Variants in TRPV6 observed in about 807,000 individuals in gnomAD.
TRPV6 encodes the protein Alu-binding protein with zinc finger domain.
In TRPV6, 39 loss-of-function variants were observed where a neutral mutation model predicts 79.0. The observed-to-expected ratio is 0.49, with a 90% CI of 0.38 to 0.64. TRPV6 has a LOEUF of 0.64. Ranked by LOEUF, TRPV6 falls within the 30% of genes least tolerant of loss-of-function variation. The pLI is 0.00. For missense variants in TRPV6, 813 were observed against 1,011.1 expected (o/e 0.80, Z 2.66); for synonymous variants, 373 against 391.9 (o/e 0.95, Z 0.57).
rs982383898 is a variant in TRPV6 at position 142,875,693 on chromosome 7, G to A, written c.1030-13C>T. 16 of 1,608,166 alleles carry A rather than the reference G, an allele frequency of 9.9e-6. No individual in the cohort carries two copies. Among genetic ancestry groups the A allele is most frequent in the African/African-American group, 1.3e-5 (1 of 74,728 alleles). On this transcript the variant is annotated splice_polypyrimidine_tract_variant and intron_variant, in intron 7 of 14. Transcript: ENST00000359396. ...GGATCTGGCGAGCCTGCAACAGAAA[G>A]AGAACAGGTGGCTCAGAGACCCTGA...
Position 142,875,493 on chromosome 7 carries a change from GT to G in TRPV6, c.1216del (p.Thr406ProfsTer13). 1.3e-6 allele frequency: 2 copies of G among 1,595,434 alleles called. No homozygotes were observed. Among genetic ancestry groups the G allele is most frequent in the Non-Finnish European group, 1.7e-6 (2 of 1,172,382 alleles). On this transcript the variant is annotated frameshift_variant, in exon 8 of 15. Coordinates refer to ENST00000359396, the MANE Select transcript of TRPV6 (RefSeq NM_018646.6). LOFTEE classifies it high-confidence loss of function. Reference sequence around the variant, plus strand: ...CTGAAGTAGCTTCTGCTGTAAGAGGGTGTTGTCCCGGGGGCTCGTGCGGTTA... The same window carrying G: ...CTGAAGTAGCTTCTGCTGTAAGAGGGGTTGTCCCGGGGGCTCGTGCGGTTA...
Position 142,877,229 on chromosome 7 carries a change from G to A in TRPV6, c.520C>T (p.Arg174Ter), listed in dbSNP as rs1309922604. 12 of 1,614,218 alleles carry A rather than the reference G, an allele frequency of 7.4e-6. No homozygotes were observed. The highest frequency in any genetic ancestry group is 3.3e-5 in the South Asian group (3 of 91,084). Reference sequence around the variant, plus strand: ...CTGGCCCTGCGGGCAAGCAGGGCTCGCACCAGGTTCATGTTCTGGTTCACA... The same window carrying A: ...CTGGCCCTGCGGGCAAGCAGGGCTCACACCAGGTTCATGTTCTGGTTCACA... Residue 174 changes from arginine to a stop codon, truncating the protein, a stop_gained, in exon 4 of 15, where the codon CGA becomes TGA. Transcript: ENST00000359396. LOFTEE classifies it high-confidence loss of function.
At chr7:142,885,075 AG>A in intron 1 of TRPV6, 1 of 210,678 alleles carries the variant, frequency 4.7e-6, no homozygotes, top group East Asian at 1.1e-4. Context: ...TCTTGGGTGG[AG>A]GGGCTGTGAT....
In TRPV6 at chr7:142,885,578, C is replaced by T. The variant is rs1795289489; in HGVS notation, c.59G>A (p.Arg20Lys). 2 of 1,521,718 alleles carry T rather than the reference C, an allele frequency of 1.3e-6. No homozygotes were observed. Among genetic ancestry groups the T allele is most frequent in the African/African-American group, 2.8e-5 (2 of 72,024 alleles). The allele number at this position is 1,521,718 out of a possible 1,614,324, so 94.3% of individuals were successfully genotyped here. A position where few individuals can be genotyped will look rare whatever the true frequency, so the allele number is the denominator to read the frequency against. Residue 20 changes from arginine to lysine, a missense_variant, in exon 1 of 15, where the codon AGG becomes AAG. Arg to Lys is a conservative substitution (Grantham distance 26, BLOSUM62 2). Transcript: ENST00000359396. The stretch of plus-strand genomic sequence containing the variant: ...AGGCCAGACCCTGACGGGACTCAGC[C>T]TTGGGGCCACATCAGCCCCCCCAAG...
chr7:142,875,820 T>C lies in TRPV6; in HGVS notation c.967A>G (p.Ile323Val). ...GACTGCTCATCCCCTGAGGAGTCGA[T>C]CTCTGTGAGGTCATAGAGAGTCGAG... The change falls in exon 7 of 15, where the codon ATC becomes GTC. Residue 323 changes from isoleucine (I) to valine (V), a missense_variant. Transcript: ENST00000359396. The C allele has an allele frequency of 6.2e-7, 1 of 1,612,278 alleles. No individual in the cohort carries two copies. The highest frequency in any genetic ancestry group is 8.5e-7 in the Non-Finnish European group (1 of 1,179,038).
chr7:142,883,523 AT>A (rs1192743113), intron 1 of TRPV6: 7 of 152,158 alleles, frequency 4.6e-5, no homozygotes, highest in African/African-American at 1.7e-4. Flanking sequence ...CCCACCTTCC[AT>A]TATTGTTACC....
rs764407610 is a variant in TRPV6, at chr7:142,873,591, C to T, written c.1765G>A (p.Val589Met). 72 of 1,614,026 alleles carry T rather than the reference C, an allele frequency of 4.5e-5. No homozygotes were observed. The highest frequency in any genetic ancestry group is 3.3e-4 in the Middle Eastern group (2 of 6,084). Reference sequence around the variant, plus strand: ...ATGCTGTACATGAAGGGCAGGTCCACGTTGTAGTTGGCTGGGCCATCGATG... The same window carrying T: ...ATGCTGTACATGAAGGGCAGGTCCATGTTGTAGTTGGCTGGGCCATCGATG... Residue 589 changes from valine (V) to methionine (M), a missense_variant, in exon 13 of 15, where the codon GTG (valine) becomes ATG (methionine). Coordinates refer to ENST00000359396, the MANE Select transcript of TRPV6 (RefSeq NM_018646.6). The surrounding 1 kb of genome is among the most constrained non-coding windows in gnomAD (Gnocchi z 4.8).
chr7:142,884,051 G>A (rs1285207079), intron 1 of TRPV6: 1 of 152,370 alleles, frequency 6.6e-6, no homozygotes, highest in African/African-American at 2.4e-5. Context: ...CAATCCCCCA[G>A]GCCTTTTTGC....
Position 142,871,623 on chromosome 7 carries a change from A to T in TRPV6, c.*84T>A. ...TCTCCCCTGGGGCCTGGGAGATGAG[A>T]CCTCTGGGTGTTTGGTTTTTGTTTT... On this transcript the variant is annotated 3_prime_UTR_variant, in exon 15 of 15. Transcript: ENST00000359396. 6.7e-7 allele frequency: 1 copy of T among 1,491,592 alleles called. No homozygotes were observed. Among genetic ancestry groups the T allele is most frequent in the Non-Finnish European group, 9.0e-7 (1 of 1,107,786 alleles). 92.4% of individuals were successfully genotyped at this position (1,491,592 alleles called of 1,614,324 possible). A position where few individuals can be genotyped will look rare whatever the true frequency, so the allele number is the denominator to read the frequency against.
chr7:142,884,615 G>A (rs983016445), intron 1 of TRPV6: 2 of 152,268 alleles, frequency 1.3e-5, no homozygotes, highest in African/African-American at 2.4e-5. Context: ...CACGGGTTTA[G>A]GAAGTTTTCA....
At chr7:142,879,663 G>C (rs923014893) in intron 1 of TRPV6, 1 of 152,252 alleles carries the variant, frequency 6.6e-6, no homozygotes, top group Non-Finnish European at 1.5e-5. Context: ...GCTGCCACCA[G>C]GTCCTGTCAG....
At chr7:142,875,959 G>A (rs1586188883) in intron 6 of TRPV6, 55 bp from the exon 7 acceptor site, 1 of 1,521,852 alleles carries the variant, frequency 6.6e-7, no homozygotes, top group East Asian at 2.3e-5. Context: ...CGGTCACAGA[G>A]TGTGGATAGG....
At chr7:142,872,232 C>A in intron 14 of TRPV6, 140 bp downstream of exon 14, 1 of 1,012,834 alleles carries the variant, frequency 9.9e-7, no homozygotes, top group South Asian at 1.6e-5. Context: ...ACCCCTTCCT[C>A]ACCAGCTCAA....
intron 6 of TRPV6, 80 bp downstream of exon 6, chr7:142,876,328 C>T: frequency 1.3e-6 from 2 of 1,523,556 alleles, no homozygotes; most frequent in Non-Finnish European, 1.8e-6. Context: ...GGATCGCGTT[C>T]ACCTCTGTTT....
rs762397125 is a variant in TRPV6, at chr7:142,871,763, G to A, written c.2242C>T (p.Arg748Cys). ...TCCAGACCCCTGTTGATTATCCCAC[G>A]CAGGTCTCTCCTCAGGGTCCCTTGC... Residue 748 changes from arginine to cysteine, a missense_variant, in exon 15 of 15, where the codon CGT becomes TGT. Arg to Cys is a radical substitution (Grantham distance 180). Transcript: ENST00000359396. 2.2e-5 allele frequency: 35 copies of A among 1,614,010 alleles called. No homozygotes were observed. Among genetic ancestry groups the A allele is most frequent in the South Asian group, 8.8e-5 (8 of 91,074 alleles).
At chr7:142,876,652 G>A (rs1368998724) in intron 5 of TRPV6, 69 bp from the exon 6 acceptor site, 2 of 1,612,140 alleles carry the variant, frequency 1.2e-6, no homozygotes, top group African/African-American at 1.3e-5. Context: ...CCCACCCTGA[G>A]GTCTTCCTGA....
rs780277578 is a variant in TRPV6, at chr7:142,875,019, G to A, written c.1330-39C>T. 45 of 1,614,004 alleles carry A rather than the reference G, an allele frequency of 2.8e-5. No homozygotes were observed. In the African/African-American group the frequency reaches 2.9e-4, roughly 11 times the overall value. On this transcript the variant is annotated intron_variant, in intron 9 of 14. Transcript: ENST00000359396. ...GGAGACACAAAGGCACTCAGATACC[G>A]GAACTTGGGCTGGATTCCTCGGGCA...
chr7:142,874,533 T>C lies in TRPV6; in HGVS notation c.1530A>G (p.Arg510=). The C allele has an allele frequency of 3.7e-6, 6 of 1,614,022 alleles. No individual in the cohort carries two copies. Among genetic ancestry groups the C allele is most frequent in the Non-Finnish European group, 5.1e-6 (6 of 1,180,018 alleles). ...TGAAGGGGCCTAGCATCTGGAATCC[T>C]CGGGCGAAGTACATGACGTTGCACC... The change falls in exon 11 of 15, where the codon CGA becomes CGG. Residue 510 remains arginine (R), a synonymous_variant. Transcript: ENST00000359396.
rs1795239366 is a variant in TRPV6 at position 142,883,745 on chromosome 7, T to C, written c.248+1644A>G. On this transcript the variant is annotated intron_variant, in intron 1 of 14. Transcript: ENST00000359396. Reference sequence around the variant, plus strand: ...CCCCTTGCAGGCAATTTCAGCATCCTTCTGGGAAGTGCCCACCCAAAGAAG... The same window carrying C: ...CCCCTTGCAGGCAATTTCAGCATCCCTCTGGGAAGTGCCCACCCAAAGAAG... 2.0e-5 allele frequency: 3 copies of C among 152,310 alleles called. No individual in the cohort carries two copies. In the Middle Eastern group the frequency reaches 0.01, roughly 518 times the overall value. The allele number at this position is 152,310 out of a possible 1,614,324, so 9.4% of individuals were successfully genotyped here.
Sources: gnomAD v4.1 joint callset for allele counts on GRCh38, gnomAD v4.1.1 for gene constraint, Gnocchi (gnomAD v3.1) non-coding constraint, MANE v1.5 for transcripts, NCBI Gene and HGNC (gene_info 2026-07-23, HGNC 2026-07-21) for gene names.